The following KCNMA1 variants were observed in gnomAD, a reference collection of about 807,000 sequenced individuals.
The protein encoded by KCNMA1 is Calcium-activated potassium channel subunit alpha-1.
Under a neutral mutation model 140.0 loss-of-function variants are expected in KCNMA1, and 29 were observed. The observed-to-expected ratio is 0.21, with a 90% CI of 0.15 to 0.28. The LOEUF (loss-of-function observed/expected upper bound fraction) is 0.28. Among genes scored for constraint, KCNMA1 ranks in the 10% least tolerant of loss-of-function variants. The probability of loss-of-function intolerance (pLI) is 1.00; values close to 1 mark genes in which losing one functional copy is unlikely to be tolerated. For synonymous variants in KCNMA1, 612 were observed against 611.9 expected (o/e 1.00, Z 0.00); for missense variants, 880 against 1,602.2 (o/e 0.55, Z 7.70).
intron 25 of KCNMA1, among the ~76,000 whole-genome samples, chr10:76,899,017 T>A (rs1205189088): frequency 6.6e-6 from 1 of 152,040 alleles, no homozygotes; most frequent in African/African-American, 2.4e-5. Context: ...AAATGTCAGA[T>A]ACATAGGAGA....
intron 19 of KCNMA1, among the ~76,000 whole-genome samples, chr10:76,979,237 C>A (rs2078651520): frequency 1.3e-5 from 2 of 152,170 alleles, no homozygotes; most frequent in Admixed American, 6.5e-5. Flanking sequence ...CGTGGATTTA[C>A]AAATTGTCAG....
At chr10:77,593,546 AAT>A (rs1356002294) in intron 1 of KCNMA1, among the ~76,000 whole-genome samples, 2 of 152,208 alleles carry the variant, frequency 1.3e-5, no homozygotes, top group East Asian at 3.8e-4. Flanking sequence ...TTAATATAAT[AAT>A]GTCTTAAATT....
At chr10:77,626,714 G>A (rs935968044) in intron 1 of KCNMA1, among the ~76,000 whole-genome samples, 1 of 152,112 alleles carries the variant, frequency 6.6e-6, no homozygotes, top group Non-Finnish European at 1.5e-5. Context: ...CCCTTCCAAC[G>A]CTTCACCTCT....
chr10:77,372,141 T>C (rs572145503), intron 2 of KCNMA1, among the ~76,000 whole-genome samples: 2 of 152,268 alleles, frequency 1.3e-5, no homozygotes, highest in East Asian at 3.9e-4. Flanking sequence ...CTATCAACCA[T>C]ATCATCACTC....
At chr10:77,089,300 G>A (rs924374591) in intron 10 of KCNMA1, among the ~76,000 whole-genome samples, 6 of 152,146 alleles carry the variant, frequency 3.9e-5, no homozygotes, top group South Asian at 2.1e-4. Context: ...GAGTAGGACC[G>A]CGTGCTGGGT....
rs371963838 is a variant in KCNMA1, at chr10:76,976,715, G to A, written c.2267-6648C>T. ...TGTTAGAATCATTGCCCAACACTCC[G>A]CCCTGTTCAGTATTCAGTAGAAAAT... On this transcript the variant is annotated intron_variant, in intron 19 of 27. Coordinates refer to ENST00000286628, the MANE Select transcript of KCNMA1 (RefSeq NM_001161352.2). Among the ~76,000 whole-genome samples the A allele has an allele frequency of 2.4e-4, 37 of 152,164 alleles. No individual in the cohort carries two copies. The South Asian group carries it at 6.6e-3, about 27-fold the overall frequency.
intron 1 of KCNMA1, among the ~76,000 whole-genome samples, chr10:77,583,727 T>C (rs184447972): frequency 4.3e-4 from 65 of 152,302 alleles, no homozygotes; most frequent in Non-Finnish European, 6.3e-4. Context: ...TGGGTGTTGA[T>C]TCTTAGTGGT....
At position 77,547,363 on chromosome 10, in the gene KCNMA1, T is replaced by C. The variant is rs2061674147; in HGVS notation, c.378+89902A>G. Among the ~76,000 whole-genome samples the C allele has an allele frequency of 2.0e-5, 3 of 152,224 alleles. No individual in the cohort carries two copies. In the South Asian group the frequency reaches 6.2e-4, roughly 32 times the overall value. The stretch of plus-strand genomic sequence containing the variant: ...CTCAATGAACAGAACGGCTCCGTTA[T>C]ATTTCAACCTACCCACTAAGACTTA... On this transcript the variant is annotated intron_variant, in intron 1 of 27. Coordinates refer to ENST00000286628, the MANE Select transcript of KCNMA1 (RefSeq NM_001161352.2).
chr10:76,893,839 A>G (rs2041305809), intron 25 of KCNMA1, among the ~76,000 whole-genome samples: 1 of 152,208 alleles, frequency 6.6e-6, no homozygotes, highest in South Asian at 2.1e-4. Flanking sequence ...AAATTAAAGA[A>G]GACCTAAATA....
rs542327244 is a variant in KCNMA1, at chr10:77,245,761, GAAGGCC to G, written c.602+5428_602+5433del. 2.4e-3 allele frequency among the ~76,000 whole-genome samples: 362 copies of G among 152,276 alleles called. 4 individuals are homozygous for G. Among genetic ancestry groups the G allele is most frequent in the African/African-American group, 8.4e-3 (351 of 41,550 alleles). On this transcript the variant is annotated intron_variant, in intron 3 of 27. Transcript: ENST00000286628. ...ACAAGGACAGATTAGGTAAGGATAG[GAAGGCC>G]AAAGAGTCTTTCTACTTGGAAAGAC...
At chr10:77,077,456 AT>A (rs1393998980) in intron 13 of KCNMA1, among the ~76,000 whole-genome samples, 1 of 152,222 alleles carries the variant, frequency 6.6e-6, no homozygotes, top group Non-Finnish European at 1.5e-5. Context: ...TGCTATGATC[AT>A]GTGATTACTG....
intron 14 of KCNMA1, among the ~76,000 whole-genome samples, chr10:77,049,072 A>G (rs2095253124): frequency 6.6e-6 from 1 of 152,124 alleles, no homozygotes; most frequent in South Asian, 2.1e-4. Flanking sequence ...CCAGAACGTG[A>G]TATTTAGTCA....
At chr10:77,157,906 C>T (rs1367418579) in intron 5 of KCNMA1, among the ~76,000 whole-genome samples, 1 of 152,200 alleles carries the variant, frequency 6.6e-6, no homozygotes, top group Non-Finnish European at 1.5e-5. Context: ...CAAGGTCCTC[C>T]TCCTCCTTAG....
intron 19 of KCNMA1, chr10:76,972,948 T>C (rs2076481041): frequency 6.6e-6 from 1 of 152,216 alleles, no homozygotes. Context: ...TAGGAAAACT[T>C]TTAGTTAAGC....
At chr10:77,140,181 C>T (rs2098133564) in intron 5 of KCNMA1, 1 of 152,528 alleles carries the variant, frequency 6.6e-6, no homozygotes, top group Non-Finnish European at 1.5e-5. Flanking sequence ...CACCTCTCCA[C>T]TAGACAGTTC....
chr10:77,357,839 G>T (rs1050380888), intron 2 of KCNMA1, among the ~76,000 whole-genome samples: 1 of 152,184 alleles, frequency 6.6e-6, no homozygotes. Context: ...ACTGTAAGCT[G>T]GTGAAATGCA....
chr10:77,253,553 C>T (rs1202909657), intron 2 of KCNMA1, among the ~76,000 whole-genome samples: 1 of 152,166 alleles, frequency 6.6e-6, no homozygotes, highest in Non-Finnish European at 1.5e-5. Flanking sequence ...AGCAAATCAG[C>T]CAGTGACAGG....
At chr10:77,357,885 G>A (rs11002136) in intron 2 of KCNMA1, among the ~76,000 whole-genome samples, 1 of 152,142 alleles carries the variant, frequency 6.6e-6, no homozygotes, top group Non-Finnish European at 1.5e-5. Flanking sequence ...GTCAGCTTAA[G>A]AAAGACAGAA....
intron 1 of KCNMA1, among the ~76,000 whole-genome samples, chr10:77,528,539 G>A (rs533972437): frequency 2.6e-4 from 39 of 151,618 alleles, no homozygotes; most frequent in Non-Finnish European, 4.4e-4. Context: ...GAACCAGGAG[G>A]CAGAGGTTGC....
Sources: allele counts gnomAD v4.1 joint callset (sites outside exome capture counted in the v4.1 genomes callset), GRCh38; gene constraint gnomAD v4.1.1; transcripts MANE v1.5; gene names NCBI Gene and HGNC (gene_info 2026-07-23, HGNC 2026-07-21).